Variants in FCHSD2 observed in about 807,000 individuals in gnomAD.
FCHSD2 encodes FCH and double SH3 domains 2.
Under a neutral mutation model 108.1 loss-of-function variants are expected in FCHSD2, and 38 were observed. The observed-to-expected ratio is 0.35, with a 90% CI of 0.27 to 0.46. FCHSD2 has a LOEUF of 0.46. Among genes scored for constraint, FCHSD2 ranks in the 20% least tolerant of loss-of-function variants. FCHSD2 has a pLI of 1.00. For missense variants in FCHSD2, 751 were observed against 897.8 expected, an observed-to-expected ratio of 0.84 and a Z score of 2.09; for synonymous variants, 279 against 314.7, an observed-to-expected ratio of 0.89 and a Z score of 1.20.
intron 10 of FCHSD2, among the ~76,000 whole-genome samples, chr11:72,897,069 G>A (rs1855436000): frequency 1.3e-5 from 2 of 151,916 alleles, no homozygotes; most frequent in African/African-American, 2.4e-5. Flanking sequence ...CTCATGATCC[G>A]CCCATCTCAG....
intron 2 of FCHSD2, among the ~76,000 whole-genome samples, chr11:73,102,588 T>C (rs1255798017): frequency 2.0e-5 from 3 of 152,244 alleles, no homozygotes; most frequent in Non-Finnish European, 4.4e-5. Flanking sequence ...TTAATTGCCA[T>C]TATAACAGTA....
rs182580884 is a variant in FCHSD2 at position 72,942,396 on chromosome 11, T to C, written c.706-20446A>G. Among the ~76,000 whole-genome samples, 114 of 152,306 alleles carry C rather than the reference T, an allele frequency of 7.5e-4. 1 individual carries two copies. Among genetic ancestry groups the C allele is most frequent in the Non-Finnish European group, 1.4e-3 (97 of 68,016 alleles). The stretch of plus-strand genomic sequence containing the variant: ...CCTCTTTTCTTTATATTACCCAGCC[T>C]TGTGTATTTCTTTAAACCAATGTAA... On this transcript the variant is annotated intron_variant, in intron 8 of 19. Coordinates refer to ENST00000409418, the MANE Select transcript of FCHSD2 (RefSeq NM_014824.3).
chr11:72,947,292 T>C (rs1856538940), intron 8 of FCHSD2, among the ~76,000 whole-genome samples: 1 of 152,234 alleles, frequency 6.6e-6, no homozygotes. Context: ...TGAACTCTTC[T>C]TATCCAGACT....
chr11:72,917,681 T>A (rs796769859), intron 9 of FCHSD2, among the ~76,000 whole-genome samples: 11 of 151,846 alleles, frequency 7.2e-5, no homozygotes, highest in African/African-American at 2.7e-4. Flanking sequence ...ACGTCAGGAG[T>A]TCAAGACTAG....
intron 3 of FCHSD2, among the ~76,000 whole-genome samples, chr11:73,041,832 T>G (rs1308401508): frequency 6.6e-6 from 1 of 152,226 alleles, no homozygotes; most frequent in Non-Finnish European, 1.5e-5. Flanking sequence ...AATTTTTGCC[T>G]AGGCCAATGT....
intron 13 of FCHSD2, among the ~76,000 whole-genome samples, chr11:72,859,962 A>C (rs1297474430): frequency 6.6e-6 from 1 of 152,148 alleles, no homozygotes; most frequent in Admixed American, 6.5e-5. Flanking sequence ...CATGGAAGAC[A>C]ATTTTTCCAT....
At chr11:72,937,872 T>C (rs968659658) in intron 8 of FCHSD2, among the ~76,000 whole-genome samples, 1 of 152,226 alleles carries the variant, frequency 6.6e-6, no homozygotes, top group African/African-American at 2.4e-5. Flanking sequence ...CCAGTTATTA[T>C]GCTAGGCACC....
intron 5 of FCHSD2, among the ~76,000 whole-genome samples, chr11:72,999,315 C>CTTTTTTT (rs777275615): frequency 3.9e-5 from 4 of 103,766 alleles, no homozygotes; most frequent in South Asian, 3.3e-4. Context: ...ACCAAAGATT[C>CTTTTTTT]TTTTTTTTTT....
intron 9 of FCHSD2, among the ~76,000 whole-genome samples, chr11:72,909,242 G>A (rs1565317085): frequency 6.6e-6 from 1 of 152,104 alleles, no homozygotes; most frequent in Non-Finnish European, 1.5e-5. Flanking sequence ...TCGCCCTGTT[G>A]ACCGGGCTGG....
In FCHSD2 at chr11:72,840,932, C is replaced by A. The variant is rs1170293565; in HGVS notation, c.2084G>T (p.Gly695Val). 1.9e-6 allele frequency: 3 copies of A among 1,613,312 alleles called. No homozygotes were observed. The highest frequency in any genetic ancestry group is 1.1e-5 in the South Asian group (1 of 91,074). ...NEKSLHAESPGFSQASRHTPE... is the reference protein window; with the variant it reads ...NEKSLHAESPVFSQASRHTPE... ...AGTATGCCTTGATGCCTGTGAGAAT[C>A]CTGGTGACTCAGCATGAAGGCTTTT... is the stretch of plus-strand genomic sequence containing the variant. Residue 695 changes from glycine (G) to valine (V), a missense_variant, in exon 19 of 20, where the codon GGA becomes GTA. Gly to Val is a moderately radical substitution (Grantham distance 109, BLOSUM62 -3). Coordinates refer to ENST00000409418, the MANE Select transcript of FCHSD2 (RefSeq NM_014824.3).
chr11:73,090,828 T>C (rs1005884637), intron 2 of FCHSD2, among the ~76,000 whole-genome samples: 9 of 152,214 alleles, frequency 5.9e-5, no homozygotes, highest in Middle Eastern at 3.2e-3. Context: ...TGACATTTAG[T>C]GCATTCACAA....
At chr11:73,085,138 G>A (rs773635838) in intron 2 of FCHSD2, among the ~76,000 whole-genome samples, 1 of 151,962 alleles carries the variant, frequency 6.6e-6, no homozygotes, top group Non-Finnish European at 1.5e-5. Context: ...AATAACAAAC[G>A]GAAGAAGTTT....
chr11:73,055,071 T>C (rs1017774139), intron 3 of FCHSD2, among the ~76,000 whole-genome samples: 1 of 152,148 alleles, frequency 6.6e-6, no homozygotes, highest in African/African-American at 2.4e-5. Context: ...TCATCCTACC[T>C]GGCGGTAGGC....
At chr11:72,963,552 T>C (rs761689806) in intron 8 of FCHSD2, among the ~76,000 whole-genome samples, 1 of 152,170 alleles carries the variant, frequency 6.6e-6, no homozygotes, top group Non-Finnish European at 1.5e-5. Flanking sequence ...GAAAAAAATG[T>C]GGATTGGATC....
intron 13 of FCHSD2, among the ~76,000 whole-genome samples, chr11:72,857,574 G>A (rs1861458729): frequency 6.6e-6 from 1 of 151,372 alleles, no homozygotes; most frequent in African/African-American, 2.4e-5. Context: ...GAGTAGCTGG[G>A]ACTACAGGTG....
Position 73,032,024 on chromosome 11 carries a change from A to G in FCHSD2, c.166-16139T>C, listed in dbSNP as rs558655428. Among the ~76,000 whole-genome samples, 6 of 152,304 alleles carry G rather than the reference A, an allele frequency of 3.9e-5. No homozygotes were observed. The South Asian group carries it at 8.3e-4, about 21-fold the overall frequency. On this transcript the variant is annotated intron_variant, in intron 3 of 19. Coordinates refer to ENST00000409418, the MANE Select transcript of FCHSD2 (RefSeq NM_014824.3). ...TAAATTATGGTCATCAGTATGCTGC[A>G]ATGTTACACAATTATTAAAGAGAAT... is the stretch of plus-strand genomic sequence containing the variant.
chr11:72,925,124 C>A (rs1345186431), intron 8 of FCHSD2, among the ~76,000 whole-genome samples: 1 of 151,988 alleles, frequency 6.6e-6, no homozygotes, highest in African/African-American at 2.4e-5. Context: ...TATCTCAGTA[C>A]AATATAAACA....
At chr11:72,902,278 C>A (rs1396604774) in intron 10 of FCHSD2, among the ~76,000 whole-genome samples, 1 of 152,058 alleles carries the variant, frequency 6.6e-6, no homozygotes, top group Admixed American at 6.6e-5. Flanking sequence ...GAATATTTTT[C>A]TTCTTCCCTC....
intron 6 of FCHSD2, among the ~76,000 whole-genome samples, chr11:72,986,869 G>A (rs891953591): frequency 4.6e-5 from 7 of 152,002 alleles, no homozygotes; most frequent in South Asian, 2.1e-4. Flanking sequence ...GAACTATACC[G>A]CGTGCTACTC....
Sources: gnomAD v4.1 joint callset for allele counts (sites outside exome capture counted in the v4.1 genomes callset) on GRCh38, gnomAD v4.1.1 for gene constraint, MANE v1.5 for transcripts, NCBI Gene and HGNC (gene_info 2026-07-23, HGNC 2026-07-21) for gene names.